The following BTG4 variants were observed in gnomAD, a reference collection of about 807,000 sequenced individuals.
The protein encoded by BTG4 is protein BTG4.
In BTG4, 10 loss-of-function variants were observed where a neutral mutation model predicts 19.3. The ratio of observed to expected loss-of-function variants is 0.52; its 90% CI spans 0.32 to 0.88. The LOEUF is 0.88. Ranked by LOEUF, BTG4 falls within the 40% of genes least tolerant of loss-of-function variation. The pLI is 0.04. For synonymous variants in BTG4, 91 were observed against 95.7 expected (o/e 0.95, Z 0.29); for missense variants, 238 against 281.9 (o/e 0.84, Z 1.11).
At chr11:111,443,599 A>C in the BTG4 span, among the ~76,000 whole-genome samples, 1 of 152,232 alleles carries the variant, frequency 6.6e-6, no homozygotes, top group Non-Finnish European at 1.5e-5. Context: ...AGGGAAAAAA[A>C]AGAGAGACAA....
At chr11:111,414,703 A>C in the BTG4 span, 1 of 152,260 alleles carries the variant, frequency 6.6e-6, no homozygotes, top group South Asian at 2.1e-4. Flanking sequence ...GTTTAATGAG[A>C]TCCGGGTCAC....
chr11:111,495,119 G>A lies in BTG4; in HGVS notation c.*16C>T, dbSNP rs367799263. ...ACTCCTCTGAGCTCTTGCCCACCACGTGCCCAGTCGCTGCGTCATCGGTGT... is the reference window on the plus strand; with the variant it reads ...ACTCCTCTGAGCTCTTGCCCACCACATGCCCAGTCGCTGCGTCATCGGTGT... On this transcript the variant is annotated 3_prime_UTR_variant, in exon 5 of 5. Transcript: ENST00000692032. 73 of 1,513,410 alleles carry A rather than the reference G, an allele frequency of 4.8e-5. No individual in the cohort carries two copies. Among genetic ancestry groups the A allele is most frequent in the Non-Finnish European group, 5.8e-5 (66 of 1,133,080 alleles). 93.7% of individuals were successfully genotyped at this position (1,513,410 alleles called of 1,614,324 possible).
At chr11:111,405,043 G>A in the BTG4 span, among the ~76,000 whole-genome samples, 2 of 152,164 alleles carry the variant, frequency 1.3e-5, no homozygotes, top group African/African-American at 2.4e-5. Context: ...ATGCATGTTT[G>A]TAGTCTGATT....
the BTG4 span, among the ~76,000 whole-genome samples, chr11:111,418,463 C>T: frequency 1.3e-5 from 2 of 152,144 alleles, no homozygotes; most frequent in South Asian, 2.1e-4. Context: ...TTAGTTCATG[C>T]CCCCTGCTGA....
downstream of BTG4, chr11:111,466,599 A>ATGGG (rs1043045087): frequency 2.0e-5 from 3 of 152,252 alleles, no homozygotes; most frequent in East Asian, 1.9e-4. Flanking sequence ...AGGAGGATGG[A>ATGGG]TGGGTGGGTG....
chr11:111,454,920 C>T, the BTG4 span: 6 of 444,674 alleles, frequency 1.3e-5, no homozygotes, highest in Non-Finnish European at 2.7e-5. Context: ...TGGGTGGCTC[C>T]GGGAACAGAG....
intron 1 of BTG4, among the ~76,000 whole-genome samples, chr11:111,506,868 A>T (rs1004832608): frequency 1.3e-5 from 2 of 152,126 alleles, no homozygotes; most frequent in East Asian, 3.8e-4. Context: ...AACTAAAGGT[A>T]CTAGGGAAGA....
chr11:111,503,999 A>C (rs1440380383), intron 1 of BTG4, among the ~76,000 whole-genome samples: 1 of 152,152 alleles, frequency 6.6e-6, no homozygotes, highest in African/African-American at 2.4e-5. Context: ...TCTGAATTGA[A>C]TGTTAAATTT....
upstream of BTG4, chr11:111,514,440 G>C: frequency 3.1e-6 from 1 of 324,784 alleles, no homozygotes; most frequent in South Asian, 3.0e-5. Context: ...TGGGGCTGAG[G>C]AATTTAAAGT....
chr11:111,498,026 A>C lies in BTG4; in HGVS notation c.283T>G (p.Trp95Gly), dbSNP rs1350837418. ...CAGCATACTTCAAAGGGATCTACCC[A>C]TATGGTCATCTCCTTCGGAAGTCCC... ...HLGLPKEMTI[W>G]VDPFEVCCRY... The change falls in exon 3 of 5, where the codon TGG (tryptophan) becomes GGG (glycine). Residue 95 changes from tryptophan to glycine, a missense_variant. Trp to Gly is a radical substitution (Grantham distance 184, BLOSUM62 -2). Coordinates refer to ENST00000692032, the MANE Select transcript of BTG4 (RefSeq NM_001367975.1). 9 of 1,614,160 alleles carry C rather than the reference A, an allele frequency of 5.6e-6. No individual in the cohort carries two copies. The highest frequency in any genetic ancestry group is 7.6e-6 in the Non-Finnish European group (9 of 1,179,992).
upstream of BTG4, chr11:111,514,630 G>C (rs577779910): frequency 2.9e-4 from 180 of 628,068 alleles, 1 homozygote; most frequent in South Asian, 3.4e-3. Context: ...GTGGGCTTCC[G>C]ACGGCCCCCA....
At position 111,498,605 on chromosome 11, in the gene BTG4, T is replaced by G; in HGVS notation, c.172A>C (p.Arg58=). Residue 58 remains arginine (R), a splice_region_variant and synonymous_variant, in exon 2 of 5, where the codon AGG becomes CGG. Transcript: ENST00000692032. ...SDCPSKGQAF[R]CIRINNNQNK... ...GCCATCCCACATACTAGCTCTCACC[T>G]GAAGGCTTGCCCTTTAGAAGGGCAA... 1 of 1,611,954 alleles carries G rather than the reference T, an allele frequency of 6.2e-7. No homozygotes were observed. The highest frequency in any genetic ancestry group is 8.5e-7 in the Non-Finnish European group (1 of 1,179,460).
the BTG4 span, among the ~76,000 whole-genome samples, chr11:111,458,743 G>A: frequency 6.6e-6 from 1 of 151,904 alleles, no homozygotes; most frequent in South Asian, 2.1e-4. Context: ...GGAGAAGTAG[G>A]AGTGGCATCT....
At chr11:111,511,663 G>A (rs922203879) in intron 1 of BTG4, among the ~76,000 whole-genome samples, 2 of 152,196 alleles carry the variant, frequency 1.3e-5, no homozygotes, top group African/African-American at 4.8e-5. Context: ...CAAAGGAGGG[G>A]AAGGAAAGTT....
chr11:111,512,910 G>C (rs775777244), upstream of BTG4: 1 of 442,800 alleles, frequency 2.3e-6, no homozygotes, highest in African/African-American at 2.1e-5. Context: ...GCTGCGGACC[G>C]TCCGGGAGCT....
chr11:111,436,845 TGA>T, the BTG4 span, among the ~76,000 whole-genome samples: 23 of 152,136 alleles, frequency 1.5e-4, no homozygotes, highest in Non-Finnish European at 1.5e-5. Flanking sequence ...TTTGTTTTGC[TGA>T]GAGTTTCCGT....
At chr11:111,420,288 C>A in the BTG4 span, among the ~76,000 whole-genome samples, 4 of 152,190 alleles carry the variant, frequency 2.6e-5, no homozygotes, top group African/African-American at 7.2e-5. Context: ...TCAACCTCAT[C>A]CTGAAATTGC....
intron 1 of BTG4, among the ~76,000 whole-genome samples, chr11:111,505,474 T>C (rs1866382973): frequency 6.6e-6 from 1 of 151,874 alleles, no homozygotes; most frequent in Non-Finnish European, 1.5e-5. Context: ...AAATTAACTA[T>C]AGATGGATTA....
chr11:111,464,734 T>C (rs1286874425), downstream of BTG4: 2 of 152,244 alleles, frequency 1.3e-5, no homozygotes, highest in African/African-American at 2.4e-5. Flanking sequence ...TGAAGGTATG[T>C]GATGGGGTAA....
Sources: gnomAD v4.1 joint callset for allele counts (sites outside exome capture counted in the v4.1 genomes callset) on GRCh38, gnomAD v4.1.1 for gene constraint, MANE v1.5 for transcripts, NCBI Gene and HGNC (gene_info 2026-07-23, HGNC 2026-07-21) for gene names.